Variants in SCD5 observed in about 807,000 individuals in gnomAD.
SCD5 encodes stearoyl-CoA desaturase 5.
In SCD5, 20 loss-of-function variants were observed where a neutral mutation model predicts 30.4. The observed-to-expected ratio is 0.66, with a 90% CI of 0.46 to 0.96. The LOEUF is 0.96. Ranked by LOEUF, SCD5 falls within the 40% of genes least tolerant of loss-of-function variation. The pLI is 0.00. For missense variants in SCD5, 381 were observed against 443.3 expected (o/e 0.86, Z 1.26); for synonymous variants, 173 against 176.4 (o/e 0.98, Z 0.16).
At chr4:82,675,402 T>C (rs1367536103) in intron 3 of SCD5, among the ~76,000 whole-genome samples, 2 of 152,158 alleles carry the variant, frequency 1.3e-5, no homozygotes, top group Non-Finnish European at 2.9e-5. Context: ...AGGGGATGAA[T>C]TGAGGTGAAA....
chr4:82,749,328 G>A (rs1237605994), intron 1 of SCD5, among the ~76,000 whole-genome samples: 2 of 152,116 alleles, frequency 1.3e-5, no homozygotes, highest in African/African-American at 2.4e-5. Flanking sequence ...GGGGTGATAA[G>A]GAATAGTCTC....
At chr4:82,666,107 A>G (rs1460168962) in intron 3 of SCD5, among the ~76,000 whole-genome samples, 1 of 130,190 alleles carries the variant, frequency 7.7e-6, no homozygotes, top group Non-Finnish European at 1.6e-5. Context: ...GTTAAAGGAA[A>G]TAATAACTAA....
intron 1 of SCD5, among the ~76,000 whole-genome samples, chr4:82,732,761 G>T (rs903534568): frequency 6.6e-6 from 1 of 152,138 alleles, no homozygotes; most frequent in Non-Finnish European, 1.5e-5. Flanking sequence ...GGCCACTCTG[G>T]GTACTAAAGA....
chr4:82,652,306 G>A (rs1347970538), intron 3 of SCD5, among the ~76,000 whole-genome samples: 2 of 152,166 alleles, frequency 1.3e-5, no homozygotes, highest in South Asian at 2.1e-4. Flanking sequence ...AGACAGCTCT[G>A]ACTCATAATT....
At chr4:82,653,051 G>T (rs1036653529) in intron 3 of SCD5, among the ~76,000 whole-genome samples, 4 of 152,102 alleles carry the variant, frequency 2.6e-5, no homozygotes, top group Non-Finnish European at 5.9e-5. Context: ...TACTTGGGGG[G>T]ACTGAGACAG....
At chr4:82,716,344 G>A (rs1231893174) in intron 1 of SCD5, among the ~76,000 whole-genome samples, 1 of 151,742 alleles carries the variant, frequency 6.6e-6, no homozygotes, top group African/African-American at 2.4e-5. Flanking sequence ...CCGACTTACT[G>A]TCTCTTAGTC....
At chr4:82,762,944 G>A (rs1050485596) in intron 1 of SCD5, among the ~76,000 whole-genome samples, 5 of 152,110 alleles carry the variant, frequency 3.3e-5, no homozygotes, top group African/African-American at 1.2e-4. Flanking sequence ...TCTCCTGAGC[G>A]GTGGAGCACA....
At chr4:82,633,833 CAG>C (rs541651071) in intron 4 of SCD5, among the ~76,000 whole-genome samples, 170 of 152,282 alleles carry the variant, frequency 1.1e-3, no homozygotes, top group Non-Finnish European at 1.9e-3. Context: ...AATATATTCA[CAG>C]AGTTATGCAT....
At chr4:82,635,586 A>G (rs1165327536) in intron 4 of SCD5, among the ~76,000 whole-genome samples, 1 of 140,752 alleles carries the variant, frequency 7.1e-6, no homozygotes, top group East Asian at 2.1e-4. Flanking sequence ...ACGCCACTGC[A>G]CTCCAGCCTG....
At chr4:82,747,757 C>T (rs2148841273) in intron 1 of SCD5, among the ~76,000 whole-genome samples, 1 of 152,336 alleles carries the variant, frequency 6.6e-6, no homozygotes, top group African/African-American at 2.4e-5. Flanking sequence ...GTCTTTGCAC[C>T]TCTCTTTCTA....
intron 1 of SCD5, among the ~76,000 whole-genome samples, chr4:82,758,024 C>T (rs988291996): frequency 6.6e-6 from 1 of 152,178 alleles, no homozygotes; most frequent in Non-Finnish European, 1.5e-5. Context: ...GGGGTGATTG[C>T]ACCCCATTTC....
At chr4:82,786,793 A>T (rs1578068221) in intron 1 of SCD5, among the ~76,000 whole-genome samples, 1 of 19,936 alleles carries the variant, frequency 5.0e-5, no homozygotes, top group African/African-American at 9.8e-5. Context: ...ACTTTGCCTT[A>T]AAAAAAAAAA....
chr4:82,674,115 G>T (rs536902839), intron 3 of SCD5, among the ~76,000 whole-genome samples: 1 of 152,014 alleles, frequency 6.6e-6, no homozygotes, highest in African/African-American at 2.4e-5. Context: ...ACATCAAAGG[G>T]CATGATTCAT....
intron 1 of SCD5, among the ~76,000 whole-genome samples, chr4:82,715,781 T>C (rs1190215883): frequency 6.6e-6 from 1 of 151,762 alleles, no homozygotes; most frequent in Non-Finnish European, 1.5e-5. Context: ...CATAGGATGA[T>C]GCTGACAGCC....
intron 1 of SCD5, among the ~76,000 whole-genome samples, chr4:82,716,319 C>T (rs1169752337): frequency 6.6e-6 from 1 of 151,876 alleles, no homozygotes; most frequent in Non-Finnish European, 1.5e-5. Context: ...CTGCCATTTC[C>T]TAGCTGGGGT....
intron 1 of SCD5, among the ~76,000 whole-genome samples, chr4:82,740,785 A>G (rs1275591412): frequency 6.6e-6 from 1 of 152,194 alleles, no homozygotes; most frequent in African/African-American, 2.4e-5. Context: ...ACCAATGTAG[A>G]GATAACTTTT....
At chr4:82,741,753 C>A (rs556300109) in intron 1 of SCD5, among the ~76,000 whole-genome samples, 260 of 151,402 alleles carry the variant, frequency 1.7e-3, no homozygotes, top group Admixed American at 4.2e-3. Context: ...GTGAAACAGA[C>A]CCCCTTACAC....
intron 3 of SCD5, among the ~76,000 whole-genome samples, chr4:82,656,761 T>G (rs1336349627): frequency 6.6e-6 from 1 of 152,216 alleles, no homozygotes; most frequent in Non-Finnish European, 1.5e-5. Flanking sequence ...GTCCATCATC[T>G]GTTGTTTTCT....
chr4:82,715,561 C>T (rs1020688075), intron 1 of SCD5, among the ~76,000 whole-genome samples: 8 of 151,640 alleles, frequency 5.3e-5, no homozygotes, highest in African/African-American at 1.7e-4. Context: ...TCCCAAACAC[C>T]ATTCTGGCGC....
Sources: gnomAD v4.1 joint callset for allele counts (sites outside exome capture counted in the v4.1 genomes callset) on GRCh38, gnomAD v4.1.1 for gene constraint, MANE v1.5 for transcripts, NCBI Gene and HGNC (gene_info 2026-07-23, HGNC 2026-07-21) for gene names.